Variants in PPARGC1A observed in about 807,000 individuals in gnomAD.
PPARGC1A encodes peroxisome proliferator-activated receptor gamma coactivator 1-alpha.
PPARGC1A carries 25 observed loss-of-function variants against 88.7 expected under a neutral mutation model. The ratio of observed to expected loss-of-function variants is 0.28; its 90% CI spans 0.21 to 0.39. The LOEUF is 0.39. Among genes scored for constraint, PPARGC1A ranks in the 10% least tolerant of loss-of-function variants. The probability of loss-of-function intolerance (pLI) is 1.00; values close to 1 mark genes in which losing one functional copy is unlikely to be tolerated. For missense variants in PPARGC1A, 880 were observed against 968.7 expected, an observed-to-expected ratio of 0.91 and a Z score of 1.22; for synonymous variants, 363 against 355.6, an observed-to-expected ratio of 1.02 and a Z score of -0.24.
chr4:24,406,343 T>G, the PPARGC1A span, among the ~76,000 whole-genome samples: 1 of 152,200 alleles, frequency 6.6e-6, no homozygotes, highest in African/African-American at 2.4e-5. Flanking sequence ...ACATGGAATT[T>G]TCCTGGGAAC....
At chr4:24,397,943 A>G in the PPARGC1A span, among the ~76,000 whole-genome samples, 2 of 152,372 alleles carry the variant, frequency 1.3e-5, no homozygotes, top group Admixed American at 6.5e-5. Context: ...ACATCCTTAT[A>G]TAGTCCCTTC....
chr4:23,861,457 C>T (rs1319604179), intron 2 of PPARGC1A, among the ~76,000 whole-genome samples: 3 of 152,160 alleles, frequency 2.0e-5, no homozygotes, highest in African/African-American at 7.2e-5. Context: ...CATTCACCAG[C>T]TACTGAGTAC....
At chr4:24,165,187 T>A in the PPARGC1A span, among the ~76,000 whole-genome samples, 1 of 152,044 alleles carries the variant, frequency 6.6e-6, no homozygotes, top group African/African-American at 2.4e-5. Context: ...TTCCAAAAAT[T>A]AAAAAATTTT....
the PPARGC1A span, among the ~76,000 whole-genome samples, chr4:24,237,456 T>C: frequency 6.6e-6 from 1 of 152,210 alleles, no homozygotes; most frequent in Admixed American, 6.5e-5. Context: ...CCATTCCTCA[T>C]TCAGTGCTCA....
chr4:24,297,557 G>C, the PPARGC1A span, among the ~76,000 whole-genome samples: 1 of 151,994 alleles, frequency 6.6e-6, no homozygotes, highest in African/African-American at 2.4e-5. Context: ...GGAAGAAAAG[G>C]GTCAATGCAA....
At chr4:23,828,308 G>A (rs1226574077) in intron 5 of PPARGC1A, 92 bp downstream of exon 5, 10 of 1,324,478 alleles carry the variant, frequency 7.6e-6, no homozygotes, top group Non-Finnish European at 1.1e-5. Context: ...CTGATGGGAC[G>A]GAAGCAAGAA....
chr4:24,100,511 C>G, the PPARGC1A span, among the ~76,000 whole-genome samples: 3 of 152,130 alleles, frequency 2.0e-5, no homozygotes, highest in East Asian at 5.8e-4. Flanking sequence ...GGCTATTCCA[C>G]TTAATAGTTC....
the PPARGC1A span, among the ~76,000 whole-genome samples, chr4:24,381,601 G>C: frequency 6.6e-5 from 10 of 152,148 alleles, no homozygotes; most frequent in Non-Finnish European, 1.5e-4. Context: ...AAAGTGTTTT[G>C]CTAGCACAAA....
At chr4:24,467,711 C>T in the PPARGC1A span, among the ~76,000 whole-genome samples, 4 of 151,908 alleles carry the variant, frequency 2.6e-5, no homozygotes, top group East Asian at 1.9e-4. Flanking sequence ...AACTTACCCA[C>T]GTCCATTAAT....
the PPARGC1A span, among the ~76,000 whole-genome samples, chr4:23,972,453 A>C: frequency 2.0e-5 from 3 of 152,208 alleles, no homozygotes; most frequent in African/African-American, 7.2e-5. Flanking sequence ...CAGGTAACTG[A>C]AATTTTTATT....
At chr4:24,063,470 A>T in the PPARGC1A span, among the ~76,000 whole-genome samples, 1 of 152,302 alleles carries the variant, frequency 6.6e-6, no homozygotes, top group South Asian at 2.1e-4. Context: ...CTCAGTAGGT[A>T]GGGAGTGACT....
chr4:24,416,902 C>G, the PPARGC1A span, among the ~76,000 whole-genome samples: 2 of 151,928 alleles, frequency 1.3e-5, no homozygotes, highest in Non-Finnish European at 2.9e-5. Flanking sequence ...ATGGTGGCGT[C>G]TGCCTGTAAT....
the PPARGC1A span, among the ~76,000 whole-genome samples, chr4:24,235,619 C>T: frequency 6.6e-6 from 1 of 152,120 alleles, no homozygotes; most frequent in Non-Finnish European, 1.5e-5. Context: ...AATTTTGGAC[C>T]AGAGCCACCA....
At chr4:23,953,236 CT>C in the PPARGC1A span, among the ~76,000 whole-genome samples, 1 of 152,052 alleles carries the variant, frequency 6.6e-6, no homozygotes, top group Non-Finnish European at 1.5e-5. Flanking sequence ...TAATAATACC[CT>C]TTCAAAGACA....
At chr4:23,821,598 G>A (rs1470637923) in intron 7 of PPARGC1A, among the ~76,000 whole-genome samples, 1 of 152,024 alleles carries the variant, frequency 6.6e-6, no homozygotes, top group African/African-American at 2.4e-5. Context: ...AAGATAAGAA[G>A]TAAGGTACAA....
At chr4:23,970,250 T>C in the PPARGC1A span, among the ~76,000 whole-genome samples, 1 of 152,198 alleles carries the variant, frequency 6.6e-6, no homozygotes, top group Non-Finnish European at 1.5e-5. Context: ...TTTGGTAAGA[T>C]AGGAAACCAA....
the PPARGC1A span, among the ~76,000 whole-genome samples, chr4:23,964,554 G>A: frequency 5.3e-5 from 8 of 152,152 alleles, no homozygotes; most frequent in African/African-American, 1.7e-4. Context: ...GAATATTCAG[G>A]TAAAAATGGC....
At chr4:24,164,271 C>A in the PPARGC1A span, among the ~76,000 whole-genome samples, 4 of 152,098 alleles carry the variant, frequency 2.6e-5, no homozygotes, top group African/African-American at 9.7e-5. Context: ...CAGAAGCAAA[C>A]CCTCAGAGTC....
the PPARGC1A span, among the ~76,000 whole-genome samples, chr4:24,272,428 A>G: frequency 6.6e-6 from 1 of 152,066 alleles, no homozygotes; most frequent in African/African-American, 2.4e-5. Context: ...AGTGCCATGA[A>G]ATTCCCAACT....
Sources: allele counts gnomAD v4.1 joint callset (sites outside exome capture counted in the v4.1 genomes callset), GRCh38; gene constraint gnomAD v4.1.1; transcripts MANE v1.5; gene names NCBI Gene and HGNC (gene_info 2026-07-23, HGNC 2026-07-21).